The following GNB1L variants were observed in gnomAD, a reference collection of about 807,000 sequenced individuals.
The protein encoded by GNB1L is G protein subunit beta 1 like.
In GNB1L, 20 loss-of-function variants were observed where a neutral mutation model predicts 29.1. The observed-to-expected ratio is 0.69, with a 90% CI of 0.48 to 1.00. The LOEUF (loss-of-function observed/expected upper bound fraction) is 1.00, where lower values mean the gene tolerates loss of function less well. Ranked by LOEUF, GNB1L falls within the 50% of genes least tolerant of loss-of-function variation. The pLI is 0.00. For synonymous variants in GNB1L, 193 were observed against 206.5 expected, an observed-to-expected ratio of 0.93 and a Z score of 0.56; for missense variants, 421 against 464.9, an observed-to-expected ratio of 0.91 and a Z score of 0.87.
At chr22:19,850,609 C>T in intron 2 of GNB1L, 1 of 1,209,330 alleles carries the variant, frequency 8.3e-7, no homozygotes, top group Non-Finnish European at 1.0e-6. Flanking sequence ...TGCCAAGATG[C>T]TATCCCACTC....
intron 2 of GNB1L, among the ~76,000 whole-genome samples, chr22:19,841,797 T>C (rs1049428020): frequency 4.6e-5 from 7 of 152,352 alleles, no homozygotes; most frequent in East Asian, 1.9e-4. Context: ...ATGACTTTTA[T>C]GACCATCGTT....
At chr22:19,829,721 AGATATAAT>A (rs1365252455) in intron 2 of GNB1L, among the ~76,000 whole-genome samples, 1 of 152,200 alleles carries the variant, frequency 6.6e-6, no homozygotes, top group African/African-American at 2.4e-5. Context: ...CTGTATTAAT[AGATATAAT>A]GAGAAAAAGC....
intron 7 of GNB1L, among the ~76,000 whole-genome samples, chr22:19,789,746 G>A (rs1255416848): frequency 6.6e-6 from 1 of 151,830 alleles, no homozygotes; most frequent in East Asian, 1.9e-4. Flanking sequence ...CTCGGGAGGA[G>A]GATCACCTGA....
intron 2 of GNB1L, among the ~76,000 whole-genome samples, chr22:19,825,872 C>T (rs1278474189): frequency 6.6e-6 from 1 of 151,878 alleles, no homozygotes; most frequent in Non-Finnish European, 1.5e-5. Flanking sequence ...GTGGGAGAAT[C>T]ATTTGAGCCC....
At chr22:19,801,967 A>G (rs1158580702) in intron 7 of GNB1L, 34 bp downstream of exon 7, 9 of 1,484,718 alleles carry the variant, frequency 6.1e-6, no homozygotes, top group Non-Finnish European at 8.3e-6. Flanking sequence ...AGTGCAGAGC[A>G]GGATAAATGA....
At position 19,788,087 on chromosome 22, in the gene GNB1L, A is replaced by G. The variant is rs1259031204; in HGVS notation, c.*622T>C. ...CATCTGGCCTGGCCCTGTGCGCTGC[A>G]AGCCCCCCTTGCCGTCCCTCACAGG... On this transcript the variant is annotated 3_prime_UTR_variant, in exon 8 of 8. Coordinates refer to ENST00000329517, the MANE Select transcript of GNB1L (RefSeq NM_053004.3). 4 of 163,582 alleles carry G rather than the reference A, an allele frequency of 2.4e-5. No homozygotes were observed. Among genetic ancestry groups the G allele is most frequent in the Admixed American group, 1.2e-4 (2 of 17,096 alleles). 10.1% of individuals were successfully genotyped at this position (163,582 alleles called of 1,614,324 possible). A position where few individuals can be genotyped will look rare whatever the true frequency, so the allele number is the denominator to read the frequency against.
At chr22:19,789,602 G>A (rs75975815) in intron 7 of GNB1L, among the ~76,000 whole-genome samples, 1,838 of 152,216 alleles carry the variant, frequency 0.012, 45 homozygotes, top group African/African-American at 0.042. Flanking sequence ...GGTTCTGAGA[G>A]GGGGTAGGGC....
At chr22:19,834,485 T>C (rs1281113373) in intron 2 of GNB1L, among the ~76,000 whole-genome samples, 1 of 152,232 alleles carries the variant, frequency 6.6e-6, no homozygotes, top group Admixed American at 6.5e-5. Flanking sequence ...GTTTTATCAC[T>C]TCAGTAAACA....
intron 2 of GNB1L, among the ~76,000 whole-genome samples, chr22:19,835,446 G>A (rs1471868733): frequency 2.0e-5 from 3 of 151,246 alleles, no homozygotes; most frequent in Non-Finnish European, 2.9e-5. Context: ...TTGGGAGGTC[G>A]AGGCAGGCAG....
At chr22:19,851,977 G>A (rs1938114752) in intron 2 of GNB1L, 1 of 1,614,074 alleles carries the variant, frequency 6.2e-7, no homozygotes, top group Non-Finnish European at 8.5e-7. Flanking sequence ...CCCAGCAGAA[G>A]TCCACCCTGT....
intron 2 of GNB1L, among the ~76,000 whole-genome samples, chr22:19,826,645 T>C (rs1289084259): frequency 6.6e-6 from 1 of 152,154 alleles, no homozygotes; most frequent in Non-Finnish European, 1.5e-5. Flanking sequence ...GAGATGTGTG[T>C]TGCGCCAAGG....
intron 6 of GNB1L, among the ~76,000 whole-genome samples, chr22:19,805,832 T>A (rs1407621384): frequency 6.6e-6 from 1 of 152,124 alleles, no homozygotes; most frequent in African/African-American, 2.4e-5. Flanking sequence ...TGGCATGACT[T>A]AGGGCCTGGG....
At chr22:19,820,345 C>A (rs576676103) in intron 4 of GNB1L, among the ~76,000 whole-genome samples, 2 of 152,236 alleles carry the variant, frequency 1.3e-5, no homozygotes, top group African/African-American at 4.8e-5. Flanking sequence ...GGCCTCCTCA[C>A]CTGGCACCTC....
At chr22:19,835,238 A>G (rs1479052376) in intron 2 of GNB1L, among the ~76,000 whole-genome samples, 2 of 152,172 alleles carry the variant, frequency 1.3e-5, no homozygotes, top group East Asian at 1.9e-4. Flanking sequence ...CCTGACTAAT[A>G]CTATCTACCT....
intron 7 of GNB1L, among the ~76,000 whole-genome samples, chr22:19,801,683 T>C (rs1937373952): frequency 6.6e-6 from 1 of 151,672 alleles, no homozygotes; most frequent in Admixed American, 6.6e-5. Context: ...ATTAATCAGT[T>C]CCTTACTGAC....
intron 2 of GNB1L, among the ~76,000 whole-genome samples, chr22:19,830,300 TA>T (rs376284003): frequency 4.6e-4 from 67 of 146,620 alleles, no homozygotes; most frequent in African/African-American, 1.6e-3. Flanking sequence ...ATTCAAATAA[TA>T]AAAAAAAAAC....
rs5748437 is a variant in GNB1L at position 19,801,963 on chromosome 22, G to C, written c.732+38C>G. The C allele has an allele frequency of 2.7e-6, 4 of 1,467,704 alleles. No individual in the cohort carries two copies. The South Asian group carries it at 4.8e-5, about 18-fold the overall frequency. The allele number at this position is 1,467,704 out of a possible 1,614,324, so 90.9% of individuals were successfully genotyped here. ...TTCAGCCTATCAGACTGTTAGTGCA[G>C]AGCAGGATAAATGAGACCCGGGGCC... On this transcript the variant is annotated intron_variant, in intron 7 of 7. Coordinates refer to ENST00000329517, the MANE Select transcript of GNB1L (RefSeq NM_053004.3).
chr22:19,790,162 G>T (rs544214502), intron 7 of GNB1L, among the ~76,000 whole-genome samples: 4 of 152,206 alleles, frequency 2.6e-5, no homozygotes, highest in Non-Finnish European at 5.9e-5. Context: ...CTCCAGTCTC[G>T]TAAGAGATAA....
intron 7 of GNB1L, among the ~76,000 whole-genome samples, chr22:19,801,525 A>C (rs966515183): frequency 6.6e-6 from 1 of 152,134 alleles, no homozygotes; most frequent in African/African-American, 2.4e-5. Flanking sequence ...ATCTTCAGCA[A>C]CCGCCAGGTG....
Sources: gnomAD v4.1 joint callset for allele counts (sites outside exome capture counted in the v4.1 genomes callset) on GRCh38, gnomAD v4.1.1 for gene constraint, MANE v1.5 for transcripts, NCBI Gene and HGNC (gene_info 2026-07-23, HGNC 2026-07-21) for gene names.